The following PTCHD4 variants were observed in gnomAD, a reference collection of about 807,000 sequenced individuals.
PTCHD4 encodes the protein patched domain containing 4, also known as patched domain-containing protein 4.
A neutral mutation model predicts 58.1 loss-of-function variants in PTCHD4; 33 were observed. The ratio of observed to expected loss-of-function variants is 0.57; its 90% CI spans 0.43 to 0.76. The LOEUF (loss-of-function observed/expected upper bound fraction) is 0.76, where lower values mean the gene tolerates loss of function less well. PTCHD4 is among the 30% of genes least tolerant of loss of function. The pLI is 0.00. For synonymous variants in PTCHD4, 478 were observed against 409.6 expected (o/e 1.17, Z -2.02); for missense variants, 1,058 against 1,027.1 (o/e 1.03, Z -0.41).
At chr6:47,929,392 A>G in intron 4 of PTCHD4, among the ~76,000 whole-genome samples, 1 of 152,318 alleles carries the variant, frequency 6.6e-6, no homozygotes, top group South Asian at 2.1e-4. Flanking sequence ...ACTGATATTT[A>G]ATATAAATCA....
chr6:48,023,843 G>A (rs1053826476), intron 3 of PTCHD4, among the ~76,000 whole-genome samples: 1 of 152,138 alleles, frequency 6.6e-6, no homozygotes, highest in Admixed American at 6.6e-5. Flanking sequence ...TCTCTTTCAA[G>A]GTCTTCAGAG....
At chr6:48,107,993 A>G (rs1296814965) in intron 1 of PTCHD4, among the ~76,000 whole-genome samples, 2 of 152,134 alleles carry the variant, frequency 1.3e-5, no homozygotes, top group African/African-American at 4.8e-5. Context: ...ACACTTTTAC[A>G]CTGTTGGTGG....
In PTCHD4 at chr6:48,089,913, G is replaced by A. The variant is rs80194989; in HGVS notation, c.-969-19987C>T. Among the ~76,000 whole-genome samples, 438 of 151,950 alleles carry A rather than the reference G, an allele frequency of 2.9e-3. 1 individual carries two copies. Among genetic ancestry groups the A allele is most frequent in the African/African-American group, 8.9e-3 (368 of 41,446 alleles). On this transcript the variant is annotated intron_variant, in intron 1 of 4. Transcript: ENST00000339488. ...AAAATTCTATTCTTTTCTTTCTTTC[G>A]TATTTTCCATCTGCCTTCTTTGATT...
chr6:48,009,227 A>T, intron 3 of PTCHD4, 113 bp from the exon 4 acceptor site: 1 of 1,150,868 alleles, frequency 8.7e-7, no homozygotes, highest in Non-Finnish European at 1.2e-6. Context: ...AGTAATTGTG[A>T]AACTGATGTG....
intron 1 of PTCHD4, among the ~76,000 whole-genome samples, chr6:48,094,874 A>C (rs1765431308): frequency 6.6e-6 from 1 of 152,228 alleles, no homozygotes; most frequent in South Asian, 2.1e-4. Context: ...AAAATAATTA[A>C]ATTGAGTGAA....
intron 4 of PTCHD4, among the ~76,000 whole-genome samples, chr6:47,919,275 T>C (rs978998767): frequency 6.6e-6 from 1 of 152,190 alleles, no homozygotes; most frequent in African/African-American, 2.4e-5. Flanking sequence ...ATGATGAATT[T>C]GATGGAAAAC....
At chr6:47,897,067 T>A (rs1764548935) in intron 4 of PTCHD4, among the ~76,000 whole-genome samples, 3 of 152,148 alleles carry the variant, frequency 2.0e-5, no homozygotes, top group Non-Finnish European at 4.4e-5. Context: ...AGCTCCCGTG[T>A]TTTCTGGTGT....
chr6:47,935,657 C>T (rs1279086464), intron 4 of PTCHD4, among the ~76,000 whole-genome samples: 1 of 152,008 alleles, frequency 6.6e-6, no homozygotes, highest in African/African-American at 2.4e-5. Flanking sequence ...TTTAATTATG[C>T]TTTCAATTTC....
Position 48,069,702 on chromosome 6 carries a change from G to A in PTCHD4, c.-745C>T, listed in dbSNP as rs530745737. On this transcript the variant is annotated 5_prime_UTR_variant, in exon 2 of 5. Coordinates refer to ENST00000339488, the MANE Select transcript of PTCHD4 (RefSeq NM_001384253.1). ...TGCGTGTGTGTGTATTGAAAGTGAA[G>A]ATCTACAGGCAATATGAGGTTTCTC... Among the ~76,000 whole-genome samples, 17 of 152,228 alleles carry A rather than the reference G, an allele frequency of 1.1e-4. No individual in the cohort carries two copies. The highest frequency in any genetic ancestry group is 3.9e-4 in the African/African-American group (16 of 41,538).
intron 3 of PTCHD4, among the ~76,000 whole-genome samples, chr6:48,062,923 A>T (rs1764679102): frequency 1.3e-5 from 2 of 152,194 alleles, no homozygotes; most frequent in Admixed American, 1.3e-4. Flanking sequence ...CAGAGAAAGA[A>T]GCTGACGCCT....
At chr6:48,110,378 A>G (rs757952137) in intron 1 of PTCHD4, among the ~76,000 whole-genome samples, 2 of 152,104 alleles carry the variant, frequency 1.3e-5, no homozygotes, top group African/African-American at 4.8e-5. Context: ...AAAGAAATAA[A>G]CTACCCTGCA....
intron 4 of PTCHD4, among the ~76,000 whole-genome samples, chr6:47,998,451 A>G (rs1288974579): frequency 6.6e-6 from 1 of 152,222 alleles, no homozygotes; most frequent in African/African-American, 2.4e-5. Context: ...CAAGATAAAC[A>G]AGATTACTAA....
intron 3 of PTCHD4, among the ~76,000 whole-genome samples, chr6:48,051,317 C>T (rs907889461): frequency 2.0e-5 from 3 of 151,878 alleles, no homozygotes; most frequent in African/African-American, 7.3e-5. Flanking sequence ...TGTTCTTAGT[C>T]CTTATTAAAA....
At chr6:48,079,132 A>G (rs894753115) in intron 1 of PTCHD4, among the ~76,000 whole-genome samples, 2 of 151,950 alleles carry the variant, frequency 1.3e-5, no homozygotes, top group African/African-American at 2.4e-5. Flanking sequence ...AAAAAAAAAA[A>G]AAAGAAATTG....
chr6:47,940,205 A>C (rs1213009046), intron 4 of PTCHD4, among the ~76,000 whole-genome samples: 2 of 152,100 alleles, frequency 1.3e-5, no homozygotes, highest in Non-Finnish European at 2.9e-5. Context: ...TAAAAAATGA[A>C]ACTACATCTT....
At chr6:48,011,076 T>A (rs532114538) in intron 3 of PTCHD4, among the ~76,000 whole-genome samples, 2 of 152,346 alleles carry the variant, frequency 1.3e-5, no homozygotes, top group South Asian at 4.1e-4. Context: ...TGATTTATAA[T>A]CCTTTGGTTA....
intron 1 of PTCHD4, among the ~76,000 whole-genome samples, chr6:48,089,876 T>G (rs533136502): frequency 6.6e-6 from 1 of 152,328 alleles, no homozygotes; most frequent in East Asian, 1.9e-4. Flanking sequence ...TGTAATTACT[T>G]TGCCTCTTTT....
rs895264862 is a variant in PTCHD4, at chr6:47,877,463, G to C, written c.*840C>G. Reference sequence around the variant, plus strand: ...TTTCTAATATGAAACAGTAAACCTTGTCCATGTGGTAATTAATTCAAATGC... The same window carrying C: ...TTTCTAATATGAAACAGTAAACCTTCTCCATGTGGTAATTAATTCAAATGC... On this transcript the variant is annotated 3_prime_UTR_variant, in exon 5 of 5. Transcript: ENST00000339488. 6.6e-6 allele frequency among the ~76,000 whole-genome samples: 1 copy of C among 152,000 alleles called. No individual in the cohort carries two copies. Among genetic ancestry groups the C allele is most frequent in the African/African-American group, 2.4e-5 (1 of 41,414 alleles).
intron 4 of PTCHD4, among the ~76,000 whole-genome samples, chr6:47,949,663 T>TC (rs888348045): frequency 2.6e-5 from 4 of 151,930 alleles, no homozygotes; most frequent in African/African-American, 7.3e-5. Flanking sequence ...TCTCTTTTTT[T>TC]CCCCCCAGAT....
Sources: gnomAD v4.1 joint callset for allele counts (sites outside exome capture counted in the v4.1 genomes callset) on GRCh38, gnomAD v4.1.1 for gene constraint, MANE v1.5 for transcripts, NCBI Gene and HGNC (gene_info 2026-07-23, HGNC 2026-07-21) for gene names.